The following HS3ST5 variants were observed in gnomAD, a reference collection of about 807,000 sequenced individuals.
HS3ST5 encodes heparan sulfate-glucosamine 3-sulfotransferase 5.
Under a neutral mutation model 25.4 loss-of-function variants are expected in HS3ST5, and 10 were observed. The ratio of observed to expected loss-of-function variants is 0.39; its 90% confidence interval spans 0.24 to 0.67. The LOEUF (loss-of-function observed/expected upper bound fraction) is 0.67, where lower values mean the gene tolerates loss of function less well. Among genes scored for constraint, HS3ST5 ranks in the 30% least tolerant of loss-of-function variants. The probability of loss-of-function intolerance (pLI) is 0.44; values close to 1 mark genes in which losing one functional copy is unlikely to be tolerated. For missense variants in HS3ST5, 324 were observed against 420.7 expected (o/e 0.77, Z 2.01); for synonymous variants, 170 against 162.4 (o/e 1.05, Z -0.36).
At position 114,199,670 on chromosome 6, in the gene HS3ST5, G is replaced by C. The variant is rs79929949; in HGVS notation, c.-145+28915C>G. ...TATTTTTTAAAGAACATCTACTTTA[G>C]AAAATTTACCATTGTATTAATAAAT... is the stretch of plus-strand genomic sequence containing the variant. On this transcript the variant is annotated intron_variant, in intron 2 of 4. Transcript: ENST00000312719. Among the ~76,000 whole-genome samples the C allele has an allele frequency of 4.0e-3, 612 of 152,140 alleles. 5 individuals are homozygous for C. Among genetic ancestry groups the C allele is most frequent in the East Asian group, 0.033 (172 of 5,178 alleles).
chr6:114,170,725 A>G (rs1017532862), intron 2 of HS3ST5, among the ~76,000 whole-genome samples: 1 of 152,166 alleles, frequency 6.6e-6, no homozygotes, highest in African/African-American at 2.4e-5. Context: ...ACTCATTAGA[A>G]ATGTGGTACA....
At chr6:114,076,977 G>T (rs1439470167) in intron 3 of HS3ST5, among the ~76,000 whole-genome samples, 1 of 152,136 alleles carries the variant, frequency 6.6e-6, no homozygotes, top group Non-Finnish European at 1.5e-5. Flanking sequence ...AAGGAAAAAG[G>T]TTGATAAATT....
At chr6:114,066,592 C>T (rs1773461191) in intron 3 of HS3ST5, among the ~76,000 whole-genome samples, 2 of 152,094 alleles carry the variant, frequency 1.3e-5, no homozygotes, top group South Asian at 4.1e-4. Context: ...AAGATTGTGC[C>T]ACTGCACTCC....
chr6:114,105,469 T>C (rs1775946680), intron 3 of HS3ST5, among the ~76,000 whole-genome samples: 2 of 152,192 alleles, frequency 1.3e-5, no homozygotes, highest in African/African-American at 4.8e-5. Context: ...AAGTTTATAT[T>C]TGTTGTATCT....
chr6:114,328,996 G>A (rs1392414227), intron 1 of HS3ST5, among the ~76,000 whole-genome samples: 1 of 151,990 alleles, frequency 6.6e-6, no homozygotes, highest in African/African-American at 2.4e-5. Context: ...TCTAACTGTC[G>A]CCCCTCTTTG....
At chr6:114,298,508 T>C (rs958912346) in intron 1 of HS3ST5, among the ~76,000 whole-genome samples, 31 of 152,334 alleles carry the variant, frequency 2.0e-4, no homozygotes, top group Non-Finnish European at 3.7e-4. Flanking sequence ...TCCAATGTCA[T>C]AGATGAGAAT....
chr6:114,123,056 G>A (rs560445302), intron 3 of HS3ST5, among the ~76,000 whole-genome samples: 3 of 152,268 alleles, frequency 2.0e-5, no homozygotes, highest in Non-Finnish European at 2.9e-5. Context: ...GGGTTCAAGC[G>A]ATTCTCCTGC....
intron 3 of HS3ST5, among the ~76,000 whole-genome samples, chr6:114,067,968 C>T (rs2114722797): frequency 6.6e-6 from 1 of 152,186 alleles, no homozygotes; most frequent in East Asian, 1.9e-4. Context: ...ATGATGTGAG[C>T]ACTGAGTAAA....
intron 3 of HS3ST5, among the ~76,000 whole-genome samples, chr6:114,139,320 G>A (rs187950635): frequency 1.3e-5 from 2 of 152,112 alleles, no homozygotes; most frequent in East Asian, 3.9e-4. Flanking sequence ...ATTGAAGTAG[G>A]TGGGAAGAGC....
intron 3 of HS3ST5, among the ~76,000 whole-genome samples, chr6:114,146,165 GA>G (rs1235795464): frequency 6.6e-6 from 1 of 152,192 alleles, no homozygotes; most frequent in Non-Finnish European, 1.5e-5. Context: ...AGTTCTACAA[GA>G]AGCAATCTTT....
At chr6:114,330,792 A>T (rs1349156931) in intron 1 of HS3ST5, among the ~76,000 whole-genome samples, 2 of 152,276 alleles carry the variant, frequency 1.3e-5, no homozygotes, top group East Asian at 3.9e-4. Context: ...TAAAACAAAG[A>T]CTGCAACATG....
At chr6:114,322,826 A>C (rs1776020104) in intron 1 of HS3ST5, among the ~76,000 whole-genome samples, 1 of 152,148 alleles carries the variant, frequency 6.6e-6, no homozygotes, top group Admixed American at 6.6e-5. Flanking sequence ...ATTAAACTTC[A>C]CAAATATTTG....
intron 2 of HS3ST5, among the ~76,000 whole-genome samples, chr6:114,205,297 G>A (rs963916550): frequency 6.6e-6 from 1 of 152,038 alleles, no homozygotes; most frequent in African/African-American, 2.4e-5. Context: ...TTATTTGCTA[G>A]AATGACTCAT....
intron 2 of HS3ST5, among the ~76,000 whole-genome samples, chr6:114,208,647 T>C (rs1171942844): frequency 1.3e-5 from 2 of 152,164 alleles, no homozygotes; most frequent in Admixed American, 6.5e-5. Context: ...GACTGGTCCA[T>C]AGACTAATAA....
chr6:114,234,990 G>T (rs902937208), intron 1 of HS3ST5, among the ~76,000 whole-genome samples: 32 of 152,086 alleles, frequency 2.1e-4, no homozygotes, highest in Non-Finnish European at 3.8e-4. Context: ...GGGTGTGGTG[G>T]CACGCACCTG....
chr6:114,079,651 A>T (rs1022227226), intron 3 of HS3ST5, among the ~76,000 whole-genome samples: 4 of 152,244 alleles, frequency 2.6e-5, no homozygotes, highest in East Asian at 1.9e-4. Flanking sequence ...CATGAATCAC[A>T]GAAGTTCTTA....
At chr6:114,140,260 A>C (rs1777835975) in intron 3 of HS3ST5, among the ~76,000 whole-genome samples, 1 of 152,216 alleles carries the variant, frequency 6.6e-6, no homozygotes, top group Non-Finnish European at 1.5e-5. Flanking sequence ...AGAATTTCAT[A>C]ATGTTATTTT....
intron 1 of HS3ST5, among the ~76,000 whole-genome samples, chr6:114,316,063 C>A (rs972219468): frequency 6.6e-6 from 1 of 152,166 alleles, no homozygotes; most frequent in Admixed American, 6.5e-5. Context: ...TTCATTCATG[C>A]TGCAATCTAA....
intron 1 of HS3ST5, among the ~76,000 whole-genome samples, chr6:114,246,990 G>T (rs1772409961): frequency 6.6e-6 from 1 of 152,190 alleles, no homozygotes; most frequent in South Asian, 2.1e-4. Flanking sequence ...AGAATGAAAA[G>T]AAGAGATTAA....
Sources: allele counts gnomAD v4.1 joint callset (sites outside exome capture counted in the v4.1 genomes callset), GRCh38; gene constraint gnomAD v4.1.1; transcripts MANE v1.5; gene names NCBI Gene and HGNC (gene_info 2026-07-23, HGNC 2026-07-21).